Variants in ADCY9 observed in about 807,000 individuals in gnomAD.
ADCY9 encodes the protein adenylate cyclase 9.
In ADCY9, 50 loss-of-function variants were observed where a neutral mutation model predicts 101.5. The ratio of observed to expected loss-of-function variants is 0.49; its 90% CI spans 0.39 to 0.62. The LOEUF is 0.62. ADCY9 is among the 20% of genes least tolerant of loss of function. ADCY9 has a pLI of 0.00. For synonymous variants in ADCY9, 905 were observed against 769.3 expected, an observed-to-expected ratio of 1.18 and a Z score of -2.92; for missense variants, 1,662 against 1,800.4, an observed-to-expected ratio of 0.92 and a Z score of 1.39.
At chr16:4,081,851 C>T (rs1479924809) in intron 2 of ADCY9, among the ~76,000 whole-genome samples, 1 of 93,650 alleles carries the variant, frequency 1.1e-5, no homozygotes, top group East Asian at 2.7e-4. Context: ...TCTGCAGTGG[C>T]GTGTGGGTAA....
At chr16:3,958,092 C>A (rs998055541), downstream of ADCY9, among the ~76,000 whole-genome samples, 1 of 152,176 alleles carries the variant, frequency 6.6e-6, no homozygotes, top group Admixed American at 6.5e-5. Flanking sequence ...GGGTCCCCAA[C>A]CATCGGCTCT....
intron 3 of ADCY9, among the ~76,000 whole-genome samples, chr16:4,002,643 A>T (rs2141716151): frequency 6.6e-6 from 1 of 152,360 alleles, no homozygotes; most frequent in South Asian, 2.1e-4. Flanking sequence ...CCTTTCAGAG[A>T]TGTACTAAGA....
intron 2 of ADCY9, among the ~76,000 whole-genome samples, chr16:4,010,122 G>A (rs900135360): frequency 6.6e-6 from 1 of 152,220 alleles, no homozygotes; most frequent in Non-Finnish European, 1.5e-5. Flanking sequence ...AGGTGCTGTT[G>A]GCTCAGGGTG....
chr16:4,023,741 C>T (rs758367903), intron 2 of ADCY9, among the ~76,000 whole-genome samples: 7 of 152,064 alleles, frequency 4.6e-5, no homozygotes, highest in African/African-American at 1.4e-4. Context: ...GATGAAACCC[C>T]GTGTCTACTA....
chr16:4,069,356 A>T (rs1258225802), intron 2 of ADCY9, among the ~76,000 whole-genome samples: 1 of 151,464 alleles, frequency 6.6e-6, no homozygotes, highest in Non-Finnish European at 1.5e-5. Flanking sequence ...TAGAGAAGTA[A>T]TTTAATATCC....
chr16:4,011,981 G>T (rs1347489612), intron 2 of ADCY9, among the ~76,000 whole-genome samples: 1 of 152,212 alleles, frequency 6.6e-6, no homozygotes, highest in Non-Finnish European at 1.5e-5. Context: ...GATTATCGAC[G>T]CAGTGTTTGA....
At chr16:4,111,976 C>T (rs1365449891) in intron 2 of ADCY9, among the ~76,000 whole-genome samples, 2 of 152,122 alleles carry the variant, frequency 1.3e-5, no homozygotes, top group East Asian at 3.8e-4. Flanking sequence ...TAATTACACC[C>T]TCTTCATTTT....
At position 4,063,109 on chromosome 16, in the gene ADCY9, G is replaced by A. The variant is rs912016294; in HGVS notation, c.1693+50641C>T. 5.3e-5 allele frequency among the ~76,000 whole-genome samples: 8 copies of A among 152,206 alleles called. 1 individual carries two copies. Among genetic ancestry groups the A allele is most frequent in the African/African-American group, 1.9e-4 (8 of 41,524 alleles). On this transcript the variant is annotated intron_variant, in intron 2 of 10. Transcript: ENST00000294016. ...AATCATGGGCTAGGTCATAAAACAA[G>A]TATCAATAAATTTAAAAGAATTAAA...
intron 2 of ADCY9, among the ~76,000 whole-genome samples, chr16:4,007,913 G>A (rs1350601482): frequency 6.6e-6 from 1 of 152,170 alleles, no homozygotes; most frequent in Non-Finnish European, 1.5e-5. Flanking sequence ...CCTAGACACT[G>A]CTTTGGTTTA....
chr16:3,965,681 G>T lies in ADCY9; in HGVS notation c.*94C>A. 2 of 1,173,244 alleles carry T rather than the reference G, an allele frequency of 1.7e-6. No individual in the cohort carries two copies. Among genetic ancestry groups the T allele is most frequent in the East Asian group, 2.4e-5 (1 of 42,080 alleles). The allele number at this position is 1,173,244 out of a possible 1,614,324, so 72.7% of individuals were successfully genotyped here. A position where few individuals can be genotyped will look rare whatever the true frequency, so the allele number is the denominator to read the frequency against. On this transcript the variant is annotated 3_prime_UTR_variant, in exon 11 of 11. Coordinates refer to ENST00000294016, the MANE Select transcript of ADCY9 (RefSeq NM_001116.4). ...GACCACATAACACCACGTCCGGGGA[G>T]GGCAACTGTGGCGCTTGGAAAGCAC...
intron 2 of ADCY9, among the ~76,000 whole-genome samples, chr16:4,075,560 C>T (rs533580177): frequency 1.2e-4 from 19 of 152,306 alleles, no homozygotes; most frequent in Admixed American, 6.5e-4. Context: ...GAAATGTACC[C>T]GGTCCCATGT....
Position 3,992,328 on chromosome 16 carries a change from C to A in ADCY9, c.2025G>T (p.Gly675=). Reference sequence around the variant, plus strand: ...TCTCCTCTTGGGGAGGGCTGAGGAGCCCGTTCTGAGTTTTGGGATTAGGTC... The same window carrying A: ...TCTCCTCTTGGGGAGGGCTGAGGAGACCGTTCTGAGTTTTGGGATTAGGTC... ...SGGPNPKTQN[G]LLSPPQEEKL... is the part of the protein sequence containing the mutation. The change falls in exon 5 of 11, where the codon GGG becomes GGT. Residue 675 remains glycine, a synonymous_variant. Coordinates refer to ENST00000294016, the MANE Select transcript of ADCY9 (RefSeq NM_001116.4). This position sits in a 1 kb window ranked among gnomAD's most constrained non-coding sequence, Gnocchi z 4.2. 2.5e-6 allele frequency: 4 copies of A among 1,614,100 alleles called. No individual in the cohort carries two copies. The highest frequency in any genetic ancestry group is 3.4e-6 in the Non-Finnish European group (4 of 1,180,010).
At chr16:3,994,708 T>G (rs1489565311) in intron 3 of ADCY9, among the ~76,000 whole-genome samples, 2 of 152,232 alleles carry the variant, frequency 1.3e-5, no homozygotes, top group African/African-American at 4.8e-5. Flanking sequence ...TCCACCCGTC[T>G]TGGCCTCCCA....
intron 3 of ADCY9, among the ~76,000 whole-genome samples, chr16:3,998,616 G>C (rs1045935779): frequency 6.7e-6 from 1 of 149,804 alleles, no homozygotes; most frequent in African/African-American, 2.5e-5. Flanking sequence ...GGCTGAGGCA[G>C]GGGAATCTCT....
At chr16:4,004,939 G>A (rs118150832) in intron 3 of ADCY9, among the ~76,000 whole-genome samples, 1 of 152,084 alleles carries the variant, frequency 6.6e-6, no homozygotes, top group Non-Finnish European at 1.5e-5. Flanking sequence ...TTCAGGGAAC[G>A]TTTCCTGAAC....
At chr16:4,064,962 G>A (rs532286772) in intron 2 of ADCY9, among the ~76,000 whole-genome samples, 1 of 152,312 alleles carries the variant, frequency 6.6e-6, no homozygotes, top group South Asian at 2.1e-4. Context: ...AGGTGAGGGA[G>A]GAAAATGGAG....
At chr16:4,025,299 G>C (rs1456572200) in intron 2 of ADCY9, among the ~76,000 whole-genome samples, 2 of 151,822 alleles carry the variant, frequency 1.3e-5, no homozygotes, top group Non-Finnish European at 2.9e-5. Context: ...CCTTGAACCC[G>C]GGAGGTGGAG....
chr16:4,072,919 G>A (rs1487276322), intron 2 of ADCY9, among the ~76,000 whole-genome samples: 1 of 149,928 alleles, frequency 6.7e-6, no homozygotes. Context: ...AGAAGGCAGT[G>A]GTGTGATATC....
At chr16:3,984,263 T>C (rs1247825336) in intron 6 of ADCY9, 1 of 152,244 alleles carries the variant, frequency 6.6e-6, no homozygotes. Context: ...GGCGGAGTCC[T>C]AGGTTCAGCA....
Sources: allele counts gnomAD v4.1 joint callset (sites outside exome capture counted in the v4.1 genomes callset), GRCh38; gene constraint gnomAD v4.1.1; non-coding constraint Gnocchi (gnomAD v3.1); transcripts MANE v1.5; gene names NCBI Gene and HGNC (gene_info 2026-07-23, HGNC 2026-07-21).